PLCB4: variants seen among roughly 807,000 people sequenced by gnomAD.
The protein encoded by PLCB4 is 1-phosphatidylinositol 4,5-bisphosphate phosphodiesterase beta-4.
Under a neutral mutation model 178.8 loss-of-function variants are expected in PLCB4, and 77 were observed. The ratio of observed to expected loss-of-function variants is 0.43; its 90% CI spans 0.36 to 0.52. The LOEUF (loss-of-function observed/expected upper bound fraction) is 0.52. PLCB4 is among the 20% of genes least tolerant of loss of function. The pLI is 0.00. For missense variants in PLCB4, 1,024 were observed against 1,453.4 expected (o/e 0.70, Z 4.80); for synonymous variants, 496 against 490.8 (o/e 1.01, Z -0.14).
chr20:9,476,605 C>A, intron 38 of PLCB4, 112 bp from the exon 39 acceptor site: 2 of 733,658 alleles, frequency 2.7e-6, no homozygotes, highest in South Asian at 1.7e-5. Context: ...TAGCTTTTTG[C>A]TTTTCTGTAT....
chr20:9,322,590 C>T (rs1043266840), intron 4 of PLCB4, among the ~76,000 whole-genome samples: 1 of 152,212 alleles, frequency 6.6e-6, no homozygotes, highest in Admixed American at 6.5e-5. Flanking sequence ...ATGCTGGCAC[C>T]TCCACGGCTC....
At chr20:9,327,389 G>A (rs1223700323) in intron 4 of PLCB4, among the ~76,000 whole-genome samples, 1 of 151,124 alleles carries the variant, frequency 6.6e-6, no homozygotes, top group Non-Finnish European at 1.5e-5. Flanking sequence ...TGAGGCTGCG[G>A]TGCTATGATT....
chr20:9,164,896 C>T (rs1046570331), intron 2 of PLCB4, among the ~76,000 whole-genome samples: 3 of 152,140 alleles, frequency 2.0e-5, no homozygotes, highest in African/African-American at 4.8e-5. Flanking sequence ...AGGTTTTACA[C>T]GTGGTTTGCT....
intron 21 of PLCB4, among the ~76,000 whole-genome samples, chr20:9,406,022 A>G (rs1471079613): frequency 6.6e-6 from 1 of 152,224 alleles, no homozygotes; most frequent in East Asian, 1.9e-4. Context: ...ATGAATAAAT[A>G]TGGTCGCAGG....
intron 3 of PLCB4, among the ~76,000 whole-genome samples, chr20:9,285,783 A>T (rs983809511): frequency 6.6e-6 from 1 of 152,062 alleles, no homozygotes; most frequent in Non-Finnish European, 1.5e-5. Flanking sequence ...AGACCAGAGT[A>T]AATATGGCTC....
At chr20:9,140,722 C>A (rs551192276) in intron 2 of PLCB4, among the ~76,000 whole-genome samples, 1 of 151,940 alleles carries the variant, frequency 6.6e-6, no homozygotes, top group Non-Finnish European at 1.5e-5. Flanking sequence ...GCTCCCCCTT[C>A]GCCTTCCACC....
intron 17 of PLCB4, among the ~76,000 whole-genome samples, chr20:9,391,327 A>G (rs2038124403): frequency 6.6e-6 from 1 of 152,146 alleles, no homozygotes; most frequent in South Asian, 2.1e-4. Context: ...ATAAGGATCC[A>G]TGACCTCCAA....
At chr20:9,074,096 A>C (rs913704653) in intron 1 of PLCB4, among the ~76,000 whole-genome samples, 2 of 152,126 alleles carry the variant, frequency 1.3e-5, no homozygotes, top group African/African-American at 4.8e-5. Context: ...CAGGCACTGA[A>C]TTCCTGACAA....
intron 1 of PLCB4, among the ~76,000 whole-genome samples, chr20:9,080,991 A>G (rs188288795): frequency 2.6e-5 from 4 of 152,266 alleles, no homozygotes; most frequent in Admixed American, 2.6e-4. Context: ...CGCTAGCCTG[A>G]ATTTATGTCT....
intron 24 of PLCB4, among the ~76,000 whole-genome samples, chr20:9,410,303 C>G (rs2039767869): frequency 6.6e-6 from 1 of 152,132 alleles, no homozygotes; most frequent in African/African-American, 2.4e-5. Context: ...TAGCTGGGGC[C>G]CAGTAACAAG....
At chr20:9,173,134 G>GTGTGGTC (rs1245079792) in intron 2 of PLCB4, among the ~76,000 whole-genome samples, 1 of 152,200 alleles carries the variant, frequency 6.6e-6, no homozygotes, top group African/African-American at 2.4e-5. Flanking sequence ...CAAAGCTTTG[G>GTGTGGTC]TGTGGTCTGT....
intron 2 of PLCB4, among the ~76,000 whole-genome samples, chr20:9,203,871 C>G (rs2093583316): frequency 6.9e-6 from 1 of 144,046 alleles, no homozygotes. Flanking sequence ...AGACCTGGAG[C>G]TTCTTCTTAG....
At chr20:9,178,433 AT>A (rs1351095272) in intron 2 of PLCB4, among the ~76,000 whole-genome samples, 1 of 152,108 alleles carries the variant, frequency 6.6e-6, no homozygotes, top group African/African-American at 2.4e-5. Context: ...GGGCAAAAAC[AT>A]TTTATCAGCA....
intron 3 of PLCB4, among the ~76,000 whole-genome samples, chr20:9,229,787 A>G (rs1293358256): frequency 6.6e-6 from 1 of 152,040 alleles, no homozygotes; most frequent in Non-Finnish European, 1.5e-5. Context: ...TTGCTGCACA[A>G]GTCATCCCAT....
intron 14 of PLCB4, among the ~76,000 whole-genome samples, chr20:9,386,077 AC>A (rs1311730703): frequency 6.6e-6 from 1 of 152,094 alleles, no homozygotes; most frequent in Non-Finnish European, 1.5e-5. Flanking sequence ...ACAGGGCGAT[AC>A]CCCATCTCCT....
chr20:9,227,405 A>T (rs552202356), intron 3 of PLCB4, among the ~76,000 whole-genome samples: 64 of 152,222 alleles, frequency 4.2e-4, no homozygotes, highest in Non-Finnish European at 7.5e-4. Context: ...ATCCAAGTTT[A>T]TGAAGAATTA....
chr20:9,075,701 G>A lies in PLCB4; in HGVS notation c.-135+6495G>A, dbSNP rs1051561769. 1.3e-5 allele frequency among the ~76,000 whole-genome samples: 2 copies of A among 152,346 alleles called. 1 individual carries two copies. The highest frequency in any genetic ancestry group is 4.1e-4 in the South Asian group (2 of 4,828). On this transcript the variant is annotated intron_variant, in intron 1 of 39. Transcript: ENST00000378473. The stretch of plus-strand genomic sequence containing the variant: ...CCTTCCCATGGAGCAGCTACCACTC[G>A]GGTCTGACAGGTTTCTGCCAGGTGG...
rs114547875 is a variant in PLCB4 at position 9,332,779 on chromosome 20, A to T, written c.85-4347A>T. On this transcript the variant is annotated intron_variant, in intron 4 of 39. Transcript: ENST00000378473. ...TGTAGGACCTTATGACAGGCATTTC[A>T]GAGAGCTGCCTTTTACTCTGGCCTT... 2.8e-3 allele frequency among the ~76,000 whole-genome samples: 420 copies of T among 152,264 alleles called. 2 individuals are homozygous for T. Among genetic ancestry groups the T allele is most frequent in the African/African-American group, 9.7e-3 (402 of 41,544 alleles).
rs760401247 is a variant in PLCB4 at position 9,401,498 on chromosome 20, G to C, written c.1519G>C (p.Glu507Gln). Residue 507 changes from glutamate (E) to glutamine (Q), a missense_variant, in exon 20 of 40, where the codon GAG becomes CAG. Glu to Gln is a conservative substitution (Grantham distance 29). Coordinates refer to ENST00000378473, the MANE Select transcript of PLCB4 (RefSeq NM_001377142.1). ...NEEEIESADQ[E>Q]EEAHPEFKFG... ...ATTTGTCTTTCACACAGCTGACCAAGAGGAGGAAGCTCACCCCGAATTCAA... is the reference window on the plus strand; with the variant it reads ...ATTTGTCTTTCACACAGCTGACCAACAGGAGGAAGCTCACCCCGAATTCAA... 2 of 1,612,638 alleles carry C rather than the reference G, an allele frequency of 1.2e-6. No homozygotes were observed. The highest frequency in any genetic ancestry group is 2.2e-5 in the South Asian group (2 of 90,956).
Sources: allele counts gnomAD v4.1 joint callset (sites outside exome capture counted in the v4.1 genomes callset), GRCh38; gene constraint gnomAD v4.1.1; transcripts MANE v1.5; gene names NCBI Gene and HGNC (gene_info 2026-07-23, HGNC 2026-07-21).